The following DIP2C variants were observed in gnomAD, a reference collection of about 807,000 sequenced individuals.
The protein encoded by DIP2C is disco-interacting protein 2 homolog C.
In DIP2C, 33 loss-of-function variants were observed where a neutral mutation model predicts 192.4. The ratio of observed to expected loss-of-function variants is 0.17; its 90% CI spans 0.13 to 0.23. The LOEUF is 0.23. DIP2C is among the 10% of genes least tolerant of loss of function. The pLI is 1.00. For synonymous variants in DIP2C, 979 were observed against 864.1 expected (o/e 1.13, Z -2.33); for missense variants, 1,537 against 2,110.1 (o/e 0.73, Z 5.32).
chr10:574,198 T>C (rs571415073), intron 1 of DIP2C, among the ~76,000 whole-genome samples: 4 of 152,358 alleles, frequency 2.6e-5, no homozygotes, highest in African/African-American at 9.6e-5. Flanking sequence ...ATAGGCTTTT[T>C]CTCTTATATA....
chr10:486,583 T>C (rs930579397), intron 1 of DIP2C, 53 bp from the exon 2 acceptor site: 2 of 1,466,360 alleles, frequency 1.4e-6, no homozygotes, highest in African/African-American at 2.8e-5. Flanking sequence ...TAGAGCATTA[T>C]CATTCAACGG....
chr10:617,529 A>G (rs1440695023), intron 1 of DIP2C, among the ~76,000 whole-genome samples: 1 of 152,074 alleles, frequency 6.6e-6, no homozygotes, highest in African/African-American at 2.4e-5. Context: ...GCCAACTCCC[A>G]ACAGTAGCTG....
rs548939504 is a variant in DIP2C at position 636,723 on chromosome 10, T to A, written c.85+52771A>T. ...CACACCCTTTATCTGTGATGACTTT[T>A]CGAGAGTCTGGGGCCAACGTCCTGC... On this transcript the variant is annotated intron_variant, in intron 1 of 36. Coordinates refer to ENST00000280886, the MANE Select transcript of DIP2C (RefSeq NM_014974.3). This position sits in a 1 kb window ranked among gnomAD's most constrained non-coding sequence, Gnocchi z 4.6. Among the ~76,000 whole-genome samples the A allele has an allele frequency of 1.8e-4, 28 of 152,342 alleles. No individual in the cohort carries two copies. The East Asian group carries it at 4.8e-3, about 26-fold the overall frequency.
rs765601800 is a variant in DIP2C, at chr10:440,859, C to T, written c.394+12G>A. The T allele has an allele frequency of 4.4e-6, 7 of 1,608,734 alleles. No homozygotes were observed. Among genetic ancestry groups the T allele is most frequent in the Admixed American group, 1.7e-5 (1 of 59,712 alleles). Reference sequence around the variant, plus strand: ...ACATTCAGGAGGCCGTGTCGGGGAGCGTGTCCCTTACCTGGAGGGGTGTAG... The same window carrying T: ...ACATTCAGGAGGCCGTGTCGGGGAGTGTGTCCCTTACCTGGAGGGGTGTAG... On this transcript the variant is annotated intron_variant, in intron 4 of 36. Transcript: ENST00000280886.
At position 402,317 on chromosome 10, in the gene DIP2C, T is replaced by C. The variant is rs187129598; in HGVS notation, c.1150-3098A>G. Among the ~76,000 whole-genome samples the C allele has an allele frequency of 2.3e-3, 26 of 11,298 alleles. No homozygotes were observed. The Non-Finnish European group carries it at 0.08, about 35-fold the overall frequency. 7.4% of individuals were successfully genotyped at this position (11,298 alleles called of 152,430 possible). ...AGCACATGAATCATGTGATTTTACA[T>C]GTGTGGTAGCATTAGCATTACTCTT... On this transcript the variant is annotated intron_variant, in intron 9 of 36. Coordinates refer to ENST00000280886, the MANE Select transcript of DIP2C (RefSeq NM_014974.3).
At chr10:606,360 G>C (rs1852474749) in intron 1 of DIP2C, among the ~76,000 whole-genome samples, 1 of 151,502 alleles carries the variant, frequency 6.6e-6, no homozygotes. Context: ...GCTGTGATCT[G>C]AATTCTCATT....
At chr10:428,981 C>G (rs183506031) in intron 4 of DIP2C, among the ~76,000 whole-genome samples, 3 of 152,012 alleles carry the variant, frequency 2.0e-5, no homozygotes, top group Admixed American at 6.6e-5. Context: ...CACAGCGTCC[C>G]CTATCATCAA....
intron 29 of DIP2C, chr10:340,565 T>C (rs1958094643): frequency 8.5e-6 from 3 of 354,384 alleles, no homozygotes; most frequent in South Asian, 6.3e-5. Flanking sequence ...GCTATGATTG[T>C]TGATGGCTTT....
chr10:545,302 G>GACTACAGGCACCTGCC (rs1848228258), intron 1 of DIP2C, among the ~76,000 whole-genome samples: 1 of 151,664 alleles, frequency 6.6e-6, no homozygotes, highest in African/African-American at 2.4e-5. Context: ...GGGCAGCTGG[G>GACTACAGGCACCTGCC]ACTACAGGCA....
At chr10:351,423 C>T (rs373783649) in intron 24 of DIP2C, among the ~76,000 whole-genome samples, 4 of 152,282 alleles carry the variant, frequency 2.6e-5, no homozygotes, top group African/African-American at 7.2e-5. Context: ...AGGACCTCTG[C>T]GCCAGGGCCA....
In DIP2C at chr10:423,425, G is replaced by A. The variant is rs192419005; in HGVS notation, c.395-392C>T. 4.6e-4 allele frequency among the ~76,000 whole-genome samples: 70 copies of A among 152,330 alleles called. No homozygotes were observed. The Middle Eastern group carries it at 0.01, about 22-fold the overall frequency. ...CGGCTCTCAGGAGTCTCAGTGTGAC[G>A]TATGTTTAGCCCTTGTTAGTCCTGA... On this transcript the variant is annotated intron_variant, in intron 4 of 36. Coordinates refer to ENST00000280886, the MANE Select transcript of DIP2C (RefSeq NM_014974.3).
chr10:581,485 ATTT>A (rs1030703190), intron 1 of DIP2C, among the ~76,000 whole-genome samples: 4 of 152,246 alleles, frequency 2.6e-5, no homozygotes, highest in African/African-American at 9.6e-5. Context: ...ATATTTGAAG[ATTT>A]TTAAGTTGCA....
intron 1 of DIP2C, among the ~76,000 whole-genome samples, chr10:600,986 C>A (rs1037341106): frequency 2.6e-5 from 4 of 152,188 alleles, no homozygotes; most frequent in African/African-American, 9.7e-5. Context: ...GGTAGCCAGC[C>A]TTGCCAAGAC....
intron 32 of DIP2C, among the ~76,000 whole-genome samples, chr10:303,344 ACTAAAT>A (rs1206026647): frequency 1.3e-5 from 2 of 152,250 alleles, no homozygotes; most frequent in Admixed American, 1.3e-4. Context: ...CGTAAGCTAC[ACTAAAT>A]CTATAAGAAA....
chr10:477,735 G>T (rs1484104444), intron 2 of DIP2C, among the ~76,000 whole-genome samples: 1 of 121,048 alleles, frequency 8.3e-6, no homozygotes, highest in African/African-American at 2.8e-5. Flanking sequence ...GAGAAGGAAA[G>T]AAAGAACGAG....
At chr10:629,831 TTCTG>T (rs1274542250) in intron 1 of DIP2C, 1 of 152,282 alleles carries the variant, frequency 6.6e-6, no homozygotes, top group Non-Finnish European at 1.5e-5. Flanking sequence ...ATGTGGTGCT[TTCTG>T]TAACTGCCCT....
Position 643,572 on chromosome 10 carries a change from T to A in DIP2C, c.85+45922A>T, listed in dbSNP as rs527593990. On this transcript the variant is annotated intron_variant, in intron 1 of 36. Transcript: ENST00000280886. ...CCCGTGGAACAAGCCCTTGCCCCAG[T>A]CCACGTCACCTGTGCTGTGCCACCC... Among the ~76,000 whole-genome samples, 24 of 152,230 alleles carry A rather than the reference T, an allele frequency of 1.6e-4. No individual in the cohort carries two copies. The South Asian group carries it at 3.3e-3, about 21-fold the overall frequency.
chr10:614,375 CTT>C (rs776089229), intron 1 of DIP2C, among the ~76,000 whole-genome samples: 3 of 152,356 alleles, frequency 2.0e-5, no homozygotes, highest in South Asian at 2.1e-4. Context: ...ACATGCACCT[CTT>C]TGTCTGCACA....
intron 3 of DIP2C, among the ~76,000 whole-genome samples, chr10:442,150 G>T (rs1967791428): frequency 6.6e-6 from 1 of 152,184 alleles, no homozygotes; most frequent in South Asian, 2.1e-4. Context: ...AATGGCCAGT[G>T]TGAGTGAAGA....
Sources: gnomAD v4.1 joint callset for allele counts (sites outside exome capture counted in the v4.1 genomes callset) on GRCh38, gnomAD v4.1.1 for gene constraint, Gnocchi (gnomAD v3.1) non-coding constraint, MANE v1.5 for transcripts, NCBI Gene and HGNC (gene_info 2026-07-23, HGNC 2026-07-21) for gene names.